Variants in PTPRG observed in about 807,000 individuals in gnomAD.
The protein encoded by PTPRG is protein tyrosine phosphatase receptor type G, also known as receptor-type tyrosine-protein phosphatase gamma.
In PTPRG, 102 loss-of-function variants were observed where a neutral mutation model predicts 165.3. The ratio of observed to expected loss-of-function variants is 0.62; its 90% CI spans 0.53 to 0.73. The LOEUF is 0.73. Among genes scored for constraint, PTPRG ranks in the 30% least tolerant of loss-of-function variants. PTPRG has a pLI of 0.00. For missense variants in PTPRG, 1,866 were observed against 1,861.4 expected, an observed-to-expected ratio of 1.00 and a Z score of -0.05; for synonymous variants, 675 against 669.5, an observed-to-expected ratio of 1.01 and a Z score of -0.13.
chr3:62,130,665 T>A (rs1468121162), intron 5 of PTPRG, among the ~76,000 whole-genome samples: 1 of 152,224 alleles, frequency 6.6e-6, no homozygotes, highest in East Asian at 1.9e-4. Context: ...ACTTGGCCAC[T>A]TTTACTGGTT....
At chr3:62,201,200 C>T (rs1019736497) in intron 10 of PTPRG, among the ~76,000 whole-genome samples, 4 of 151,978 alleles carry the variant, frequency 2.6e-5, no homozygotes, top group African/African-American at 4.8e-5. Flanking sequence ...TGCATTTTAC[C>T]GTATGTAAGC....
At chr3:62,258,886 C>A (rs543354452) in intron 16 of PTPRG, among the ~76,000 whole-genome samples, 303 of 152,232 alleles carry the variant, frequency 2.0e-3, no homozygotes, top group South Asian at 5.2e-3. Context: ...TTGGCCCCCA[C>A]AAACATAATG....
rs1701265174 is a variant in PTPRG, at chr3:62,245,293, G to A, written c.2467+1395G>A. Among the ~76,000 whole-genome samples the A allele has an allele frequency of 6.6e-6, 1 of 152,132 alleles. No homozygotes were observed. The stretch of plus-strand genomic sequence containing the variant: ...AGACAGGAATCATCAGTCTTCATCA[G>A]CATGAAATAAGTAGTTTCATTGAAT... On this transcript the variant is annotated intron_variant, in intron 15 of 29. Transcript: ENST00000474889. The surrounding 1 kb of genome is among the most constrained non-coding windows in gnomAD (Gnocchi z 4.2).
At chr3:62,173,554 C>A (rs974874111) in intron 8 of PTPRG, among the ~76,000 whole-genome samples, 9 of 152,170 alleles carry the variant, frequency 5.9e-5, no homozygotes, top group African/African-American at 2.2e-4. Context: ...TATTTTCTGT[C>A]TTCAAGGTGG....
chr3:61,621,047 A>ATGTGTGTGTGTGTGTG lies in PTPRG; in HGVS notation c.85+58676_85+58677insGTGTGTGTGTGTGTGT, dbSNP rs201651526. ...AGTGTGTGTGTGTATATATATATAT[A>ATGTGTGTGTGTGTGTG]TATATGTGTGTGTGTGTGTGTGTGT... On this transcript the variant is annotated intron_variant, in intron 1 of 29. Coordinates refer to ENST00000474889, the MANE Select transcript of PTPRG (RefSeq NM_002841.4). 6.2e-5 allele frequency among the ~76,000 whole-genome samples: 6 copies of ATGTGTGTGTGTGTGTG among 97,232 alleles called. No homozygotes were observed. The Admixed American group carries it at 6.7e-4, about 11-fold the overall frequency. 63.8% of individuals were successfully genotyped at this position (97,232 alleles called of 152,430 possible). A position where few individuals can be genotyped will look rare whatever the true frequency, so the allele number is the denominator to read the frequency against.
At chr3:62,188,590 A>G (rs920125857) in intron 8 of PTPRG, among the ~76,000 whole-genome samples, 1 of 152,258 alleles carries the variant, frequency 6.6e-6, no homozygotes, top group African/African-American at 2.4e-5. Context: ...CTTTTTTAAA[A>G]AATATTAACA....
intron 2 of PTPRG, among the ~76,000 whole-genome samples, chr3:61,815,761 A>T (rs1441991954): frequency 6.6e-6 from 1 of 152,244 alleles, no homozygotes; most frequent in Non-Finnish European, 1.5e-5. Flanking sequence ...CATCTATCCA[A>T]TAAATATCTG....
At chr3:62,146,455 C>A (rs1257304282) in intron 6 of PTPRG, among the ~76,000 whole-genome samples, 2 of 152,046 alleles carry the variant, frequency 1.3e-5, no homozygotes, top group Non-Finnish European at 2.9e-5. Context: ...GTTATTCATG[C>A]CATAGTATGG....
At chr3:61,659,560 C>T (rs1462816860) in intron 1 of PTPRG, 1 of 651,762 alleles carries the variant, frequency 1.5e-6, no homozygotes, top group East Asian at 1.4e-4. Context: ...TAAACACTTT[C>T]TTGGTAACCT....
intron 2 of PTPRG, among the ~76,000 whole-genome samples, chr3:61,893,724 G>A (rs2038277444): frequency 6.6e-6 from 1 of 152,200 alleles, no homozygotes. Context: ...TTATCATCAG[G>A]CTTTCAGTGG....
intron 2 of PTPRG, among the ~76,000 whole-genome samples, chr3:61,860,714 G>T (rs2037242130): frequency 6.6e-6 from 1 of 152,072 alleles, no homozygotes; most frequent in Non-Finnish European, 1.5e-5. Flanking sequence ...AAAGTGCCGG[G>T]ATTACAGGTG....
chr3:61,747,958 C>T (rs949176333), intron 1 of PTPRG, among the ~76,000 whole-genome samples: 2 of 152,086 alleles, frequency 1.3e-5, no homozygotes, highest in African/African-American at 4.8e-5. Flanking sequence ...TGTGGGCTCA[C>T]AACAAAAGAA....
chr3:61,857,987 A>G (rs1426767483), intron 2 of PTPRG, among the ~76,000 whole-genome samples: 5 of 152,204 alleles, frequency 3.3e-5, no homozygotes, highest in Non-Finnish European at 5.9e-5. Flanking sequence ...AATCTTGACA[A>G]CAGGAAATTT....
chr3:62,067,979 A>G (rs1308140988), intron 4 of PTPRG, among the ~76,000 whole-genome samples: 1 of 152,188 alleles, frequency 6.6e-6, no homozygotes. Flanking sequence ...ACTAACAGGT[A>G]GTGCTCATTG....
chr3:62,074,400 G>C (rs1480590965), intron 4 of PTPRG, among the ~76,000 whole-genome samples: 1 of 134,432 alleles, frequency 7.4e-6, no homozygotes, highest in Non-Finnish European at 1.5e-5. Context: ...CTGTCACTCA[G>C]GCTGGAGTGC....
chr3:61,733,587 T>G (rs2106845602), intron 1 of PTPRG, among the ~76,000 whole-genome samples: 1 of 152,304 alleles, frequency 6.6e-6, no homozygotes. Context: ...CATTACTCAT[T>G]TTCTTTGTGA....
intron 4 of PTPRG, among the ~76,000 whole-genome samples, chr3:62,017,190 T>C (rs2041566725): frequency 6.6e-6 from 1 of 152,148 alleles, no homozygotes; most frequent in East Asian, 1.9e-4. Flanking sequence ...TATTGTATTC[T>C]TATCTTGTGG....
At chr3:61,680,501 GA>G (rs34153657) in intron 1 of PTPRG, among the ~76,000 whole-genome samples, 29,308 of 85,232 alleles carry the variant, frequency 0.34, 4,261 homozygotes, top group African/African-American at 0.47. Context: ...TCAGCTTTAT[GA>G]AAAAAAAAAA....
intron 2 of PTPRG, among the ~76,000 whole-genome samples, chr3:61,773,928 C>A (rs370991826): frequency 6.6e-6 from 1 of 152,008 alleles, no homozygotes. Context: ...GCGTGCACCA[C>A]CACGCGTGGC....
Sources: gnomAD v4.1 joint callset for allele counts (sites outside exome capture counted in the v4.1 genomes callset) on GRCh38, gnomAD v4.1.1 for gene constraint, Gnocchi (gnomAD v3.1) non-coding constraint, MANE v1.5 for transcripts, NCBI Gene and HGNC (gene_info 2026-07-23, HGNC 2026-07-21) for gene names.